The following ZNF438 variants were observed in gnomAD, a reference collection of about 807,000 sequenced individuals.
ZNF438 encodes zinc finger protein 438.
A neutral mutation model predicts 38.0 loss-of-function variants in ZNF438; 25 were observed. The ratio of observed to expected loss-of-function variants is 0.66; its 90% CI spans 0.48 to 0.92. ZNF438 has a LOEUF of 0.92. ZNF438 is among the 40% of genes least tolerant of loss of function. The pLI is 0.00. For missense variants in ZNF438, 1,007 were observed against 999.6 expected (o/e 1.01, Z -0.10); for synonymous variants, 372 against 364.1 (o/e 1.02, Z -0.25).
intron 1 of ZNF438, among the ~76,000 whole-genome samples, chr10:30,967,674 C>T (rs969335107): frequency 1.3e-5 from 2 of 152,098 alleles, no homozygotes; most frequent in African/African-American, 4.8e-5. Flanking sequence ...TAAAGGATTT[C>T]TTCTGGGACT....
chr10:30,901,025 A>C (rs929543147), intron 3 of ZNF438, among the ~76,000 whole-genome samples: 4 of 152,238 alleles, frequency 2.6e-5, no homozygotes, highest in African/African-American at 7.2e-5. Flanking sequence ...TGATTCTCCT[A>C]ATACAAATTT....
At chr10:30,975,022 C>T (rs543347766) in intron 1 of ZNF438, among the ~76,000 whole-genome samples, 1 of 152,132 alleles carries the variant, frequency 6.6e-6, no homozygotes, top group African/African-American at 2.4e-5. Flanking sequence ...TCACTCCCTA[C>T]CTCTTGGTAG....
chr10:30,904,197 T>G (rs2042346426), intron 3 of ZNF438, among the ~76,000 whole-genome samples: 1 of 152,210 alleles, frequency 6.6e-6, no homozygotes, highest in Non-Finnish European at 1.5e-5. Flanking sequence ...AAAGAGATAC[T>G]TATCAACAGA....
chr10:30,975,028 G>C (rs923725449), intron 1 of ZNF438, among the ~76,000 whole-genome samples: 5 of 151,766 alleles, frequency 3.3e-5, no homozygotes, highest in African/African-American at 1.2e-4. Flanking sequence ...CCTACCTCTT[G>C]GTAGTCTAGC....
intron 1 of ZNF438, among the ~76,000 whole-genome samples, chr10:30,996,050 C>T (rs575952127): frequency 3.3e-5 from 5 of 152,074 alleles, no homozygotes; most frequent in East Asian, 3.9e-4. Context: ...TCTTATAAAT[C>T]GGGATGTACA....
chr10:30,973,446 T>C (rs1225890538), intron 1 of ZNF438, among the ~76,000 whole-genome samples: 1 of 152,224 alleles, frequency 6.6e-6, no homozygotes, highest in African/African-American at 2.4e-5. Context: ...CTTTACTGAA[T>C]GTTGATCTCT....
intron 2 of ZNF438, among the ~76,000 whole-genome samples, chr10:30,922,965 A>T (rs2044489280): frequency 6.6e-6 from 1 of 152,254 alleles, no homozygotes; most frequent in South Asian, 2.1e-4. Flanking sequence ...CCTAAGTAAA[A>T]GAATAATAAG....
chr10:31,021,951 G>A (rs551579857), intron 1 of ZNF438, among the ~76,000 whole-genome samples: 9 of 152,288 alleles, frequency 5.9e-5, no homozygotes, highest in East Asian at 1.9e-4. Flanking sequence ...TTCTACGGTC[G>A]TTTGGCATTT....
intron 1 of ZNF438, among the ~76,000 whole-genome samples, chr10:30,993,921 G>A (rs181757030): frequency 6.6e-6 from 1 of 152,270 alleles, no homozygotes; most frequent in Non-Finnish European, 1.5e-5. Context: ...TTCTCCAGCT[G>A]TAAGATGTAA....
intron 2 of ZNF438, among the ~76,000 whole-genome samples, chr10:30,915,446 A>G (rs1388267985): frequency 6.6e-6 from 1 of 152,066 alleles, no homozygotes; most frequent in African/African-American, 2.4e-5. Flanking sequence ...CTGGATATCT[A>G]GCACTATGAA....
chr10:30,867,405 G>A (rs530164794), intron 4 of ZNF438, among the ~76,000 whole-genome samples: 9 of 152,258 alleles, frequency 5.9e-5, no homozygotes, highest in South Asian at 2.1e-4. Flanking sequence ...AGTCAATTTC[G>A]TTAAACTAGG....
Position 30,960,882 on chromosome 10 carries a change from G to A in ZNF438, c.-191-19231C>T, listed in dbSNP as rs555559944. Among the ~76,000 whole-genome samples, 13 of 146,024 alleles carry A rather than the reference G, an allele frequency of 8.9e-5. 2 individuals carry two copies. Among genetic ancestry groups the A allele is most frequent in the African/African-American group, 2.4e-4 (10 of 40,924 alleles). On this transcript the variant is annotated intron_variant, in intron 1 of 5. Coordinates refer to ENST00000413025, the Ensembl canonical transcript of ZNF438. ...TCCTTTTAAGATTTCAACCATTAACGTATTCCCCTAGGATTGACTGTAAAA... is the reference window on the plus strand; with the variant it reads ...TCCTTTTAAGATTTCAACCATTAACATATTCCCCTAGGATTGACTGTAAAA...
intron 1 of ZNF438, among the ~76,000 whole-genome samples, chr10:31,023,414 T>C (rs1047601033): frequency 7.2e-5 from 11 of 152,194 alleles, no homozygotes; most frequent in African/African-American, 2.7e-4. Context: ...ACAAATAATA[T>C]ATTACCTCTT....
At chr10:30,885,204 A>G (rs367753791) in intron 3 of ZNF438, among the ~76,000 whole-genome samples, 28 of 152,354 alleles carry the variant, frequency 1.8e-4, no homozygotes, top group Admixed American at 1.3e-3. Context: ...AATGTCTCAG[A>G]GCTTTAGGTA....
intron 4 of ZNF438, among the ~76,000 whole-genome samples, chr10:30,869,811 C>T (rs959269101): frequency 6.6e-6 from 1 of 152,176 alleles, no homozygotes; most frequent in South Asian, 2.1e-4. Flanking sequence ...ATATGAATAT[C>T]ACATATTTGG....
intron 1 of ZNF438, among the ~76,000 whole-genome samples, chr10:30,978,635 G>A (rs1241398735): frequency 6.6e-6 from 1 of 152,004 alleles, no homozygotes; most frequent in African/African-American, 2.4e-5. Context: ...ACCCTTAGCT[G>A]CATGCAACAA....
intron 3 of ZNF438, among the ~76,000 whole-genome samples, chr10:30,894,133 G>A (rs1477336860): frequency 6.6e-6 from 1 of 152,164 alleles, no homozygotes; most frequent in Admixed American, 6.5e-5. Flanking sequence ...GACTCTCTTT[G>A]CAGAAGATGC....
intron 3 of ZNF438, among the ~76,000 whole-genome samples, chr10:30,895,336 T>C (rs2041188096): frequency 2.0e-5 from 3 of 152,230 alleles, no homozygotes; most frequent in Admixed American, 2.0e-4. Context: ...AGAGTTCACT[T>C]TCAGGAGTAG....
chr10:30,941,819 C>G (rs1378690448), intron 1 of ZNF438, among the ~76,000 whole-genome samples, 168 bp from the exon 3 acceptor site: 1 of 152,182 alleles, frequency 6.6e-6, no homozygotes, highest in East Asian at 1.9e-4. Flanking sequence ...ATAAAAATCT[C>G]AAGCTGTGCT....
Sources: allele counts gnomAD v4.1 joint callset (sites outside exome capture counted in the v4.1 genomes callset), GRCh38; gene constraint gnomAD v4.1.1; transcripts MANE v1.5; gene names NCBI Gene and HGNC (gene_info 2026-07-23, HGNC 2026-07-21).